Variants in SHC4 observed in about 807,000 individuals in gnomAD.
SHC4 encodes the protein SHC-transforming protein 4.
In SHC4, 41 loss-of-function variants were observed where a neutral mutation model predicts 69.4. The ratio of observed to expected loss-of-function variants is 0.59; its 90% CI spans 0.46 to 0.77. The LOEUF is 0.77. Ranked by LOEUF, SHC4 falls within the 30% of genes least tolerant of loss-of-function variation. The probability of loss-of-function intolerance (pLI) is 0.00; values close to 1 mark genes in which losing one functional copy is unlikely to be tolerated. For missense variants in SHC4, 777 were observed against 783.8 expected (o/e 0.99, Z 0.10); for synonymous variants, 318 against 299.3 (o/e 1.06, Z -0.64).
At chr15:48,959,818 G>A (rs1446786661) in intron 1 of SHC4, among the ~76,000 whole-genome samples, 1 of 152,174 alleles carries the variant, frequency 6.6e-6, no homozygotes, top group Non-Finnish European at 1.5e-5. Context: ...CTGAGGAACA[G>A]AACAACAACC....
At chr15:48,827,901 C>A (rs1166542348) in intron 11 of SHC4, among the ~76,000 whole-genome samples, 1 of 152,146 alleles carries the variant, frequency 6.6e-6, no homozygotes, top group Non-Finnish European at 1.5e-5. Flanking sequence ...GTGGTGACTG[C>A]CCCCTTACAC....
intron 4 of SHC4, among the ~76,000 whole-genome samples, chr15:48,872,623 C>T (rs954701022): frequency 2.0e-5 from 3 of 152,126 alleles, no homozygotes; most frequent in African/African-American, 7.2e-5. Context: ...AACATTTGTT[C>T]CATCACTTTA....
intron 9 of SHC4, among the ~76,000 whole-genome samples, chr15:48,846,289 G>A (rs756014037): frequency 1.3e-5 from 2 of 152,052 alleles, no homozygotes; most frequent in African/African-American, 2.4e-5. Context: ...GTAAAATGTG[G>A]GTGCCTAGCT....
rs369120452 is a variant in SHC4, at chr15:48,843,381, T to G, written c.1483+28A>C. 3.4e-5 allele frequency: 54 copies of G among 1,569,080 alleles called. No homozygotes were observed. In the African/African-American group the frequency reaches 6.5e-4, roughly 19 times the overall value. On this transcript the variant is annotated intron_variant, in intron 10 of 11. Coordinates refer to ENST00000332408, the MANE Select transcript of SHC4 (RefSeq NM_203349.4). ...AATTTGTTAAAACAGCCCTAAGAAA[T>G]GAATACAGACAGTGAGTAGCTACTT...
At position 48,825,236 on chromosome 15, in the gene SHC4, T is replaced by C. The variant is rs1375935779; in HGVS notation, c.*735A>G. 2 of 152,160 alleles carry C rather than the reference T, an allele frequency of 1.3e-5. No individual in the cohort carries two copies. The allele number at this position is 152,160 out of a possible 1,614,324, so 9.4% of individuals were successfully genotyped here. On this transcript the variant is annotated 3_prime_UTR_variant, in exon 12 of 12. Transcript: ENST00000332408. ...TGAAATCAGAAATGACTGATAGATT[T>C]GGCTTCTTCAGCTTGTCACATGCTG...
At chr15:48,847,038 T>C (rs1899107502) in intron 9 of SHC4, among the ~76,000 whole-genome samples, 1 of 150,436 alleles carries the variant, frequency 6.6e-6, no homozygotes, top group Non-Finnish European at 1.5e-5. Context: ...TTTTTTCATA[T>C]GGGCCATTAT....
intron 9 of SHC4, among the ~76,000 whole-genome samples, chr15:48,849,440 C>G (rs887746794): frequency 3.9e-5 from 6 of 152,190 alleles, no homozygotes; most frequent in African/African-American, 1.2e-4. Context: ...TATTTGTAGG[C>G]ATTTGTTTAA....
In SHC4 at chr15:48,825,083, T is replaced by C. The variant is rs746821359; in HGVS notation, c.*888A>G. 4 of 152,558 alleles carry C rather than the reference T, an allele frequency of 2.6e-5. No individual in the cohort carries two copies. Among genetic ancestry groups the C allele is most frequent in the Non-Finnish European group, 5.9e-5 (4 of 68,038 alleles). 9.5% of individuals were successfully genotyped at this position (152,558 alleles called of 1,614,324 possible). Reference sequence around the variant, plus strand: ...TACTTTTACTAAGAATGAAACCAATTTGAATAGTAAATATGAAGAATACTG... The same window carrying C: ...TACTTTTACTAAGAATGAAACCAATCTGAATAGTAAATATGAAGAATACTG... On this transcript the variant is annotated 3_prime_UTR_variant, in exon 12 of 12. Coordinates refer to ENST00000332408, the MANE Select transcript of SHC4 (RefSeq NM_203349.4).
intron 4 of SHC4, chr15:48,878,191 T>A (rs745818264): frequency 1.3e-6 from 2 of 1,560,362 alleles, no homozygotes; most frequent in Non-Finnish European, 8.7e-7. Flanking sequence ...CGGAAATGGC[T>A]GAGTTGTCCG....
chr15:48,939,597 T>G (rs1395245029), intron 1 of SHC4, among the ~76,000 whole-genome samples: 1 of 152,200 alleles, frequency 6.6e-6, no homozygotes, highest in Admixed American at 6.5e-5. Context: ...CAGCACAATA[T>G]GTGACACACA....
intron 1 of SHC4, among the ~76,000 whole-genome samples, chr15:48,948,234 T>C: frequency 6.6e-6 from 1 of 152,252 alleles, no homozygotes; most frequent in Non-Finnish European, 1.5e-5. Flanking sequence ...CTCTCTGCTC[T>C]TCAAGGGCAA....
intron 2 of SHC4, among the ~76,000 whole-genome samples, chr15:48,912,621 A>C (rs1300785372): frequency 6.6e-6 from 1 of 151,992 alleles, no homozygotes; most frequent in Admixed American, 6.5e-5. Flanking sequence ...GTTTGGATCC[A>C]TTGCTGGTGA....
At chr15:48,874,094 TATA>T (rs1225064705) in intron 4 of SHC4, among the ~76,000 whole-genome samples, 2 of 152,116 alleles carry the variant, frequency 1.3e-5, no homozygotes, top group Non-Finnish European at 2.9e-5. Flanking sequence ...TAAGAAATAT[TATA>T]ATATCACATT....
At chr15:48,925,554 C>T (rs1238957323) in intron 1 of SHC4, among the ~76,000 whole-genome samples, 2 of 152,132 alleles carry the variant, frequency 1.3e-5, no homozygotes, top group South Asian at 2.1e-4. Context: ...TCCTTTGCAG[C>T]TGATTTAAAT....
intron 2 of SHC4, among the ~76,000 whole-genome samples, chr15:48,911,081 C>T (rs1006933683): frequency 1.3e-5 from 2 of 151,858 alleles, no homozygotes; most frequent in African/African-American, 4.8e-5. Flanking sequence ...CTGTTCAGTC[C>T]ACTTGTTCCA....
chr15:48,917,561 A>G (rs1341307451), intron 2 of SHC4, among the ~76,000 whole-genome samples: 2 of 152,032 alleles, frequency 1.3e-5, no homozygotes, highest in South Asian at 2.1e-4. Context: ...GCCCTTTTGC[A>G]TGAATATTCT....
chr15:48,883,477 T>TA (rs1427394155), intron 4 of SHC4, among the ~76,000 whole-genome samples: 1 of 152,166 alleles, frequency 6.6e-6, no homozygotes, highest in African/African-American at 2.4e-5. Context: ...CTCCATACAG[T>TA]AAAACCTTAA....
rs1351619547 is a variant in SHC4 at position 48,872,095 on chromosome 15, C to G, written c.888G>C (p.Gly296=). ...HMQSISFASG[G]DPDTTDYVAY... is the part of the protein sequence containing the mutation. ...TCTGTGAATCCATACTTACAGGATC[C>G]CCTCCAGAGGCAAATGAAATAGACT... The change falls in exon 5 of 12, where the codon GGG becomes GGC. Residue 296 remains glycine, a synonymous_variant. Coordinates refer to ENST00000332408, the MANE Select transcript of SHC4 (RefSeq NM_203349.4). 1.3e-6 allele frequency: 2 copies of G among 1,592,304 alleles called. No individual in the cohort carries two copies. Among genetic ancestry groups the G allele is most frequent in the East Asian group, 4.5e-5 (2 of 44,394 alleles).
intron 2 of SHC4, among the ~76,000 whole-genome samples, chr15:48,900,437 G>A (rs185239001): frequency 9.9e-5 from 15 of 151,992 alleles, no homozygotes; most frequent in African/African-American, 2.2e-4. Flanking sequence ...AACCTGGGAG[G>A]TGGAGGTTGC....
Sources: allele counts gnomAD v4.1 joint callset (sites outside exome capture counted in the v4.1 genomes callset), GRCh38; gene constraint gnomAD v4.1.1; transcripts MANE v1.5; gene names NCBI Gene and HGNC (gene_info 2026-07-23, HGNC 2026-07-21).